The following HS3ST4 variants were observed in gnomAD, a reference collection of about 807,000 sequenced individuals.
The protein encoded by HS3ST4 is heparan sulfate glucosamine 3-O-sulfotransferase 4.
A neutral mutation model predicts 29.2 loss-of-function variants in HS3ST4; 17 were observed. That is an observed-to-expected ratio of 0.58 (90% CI 0.40 to 0.87). The LOEUF (loss-of-function observed/expected upper bound fraction) is 0.87, where lower values mean the gene tolerates loss of function less well. Ranked by LOEUF, HS3ST4 falls within the 40% of genes least tolerant of loss-of-function variation. The probability of loss-of-function intolerance (pLI) is 0.00; values close to 1 mark genes in which losing one functional copy is unlikely to be tolerated. For missense variants in HS3ST4, 627 were observed against 634.5 expected, an observed-to-expected ratio of 0.99 and a Z score of 0.13; for synonymous variants, 314 against 285.7, an observed-to-expected ratio of 1.10 and a Z score of -1.00.
chr16:25,760,838 T>A (rs1024732402), intron 1 of HS3ST4, among the ~76,000 whole-genome samples: 14 of 152,288 alleles, frequency 9.2e-5, no homozygotes, highest in Admixed American at 4.6e-4. Flanking sequence ...TGGGGAGATA[T>A]AATTCAGCCC....
intron 1 of HS3ST4, among the ~76,000 whole-genome samples, chr16:26,039,655 C>T (rs995401978): frequency 2.6e-5 from 4 of 151,798 alleles, no homozygotes; most frequent in Non-Finnish European, 4.4e-5. Context: ...CTAGAATCAC[C>T]CTGTCATTCT....
intron 1 of HS3ST4, among the ~76,000 whole-genome samples, chr16:26,110,518 AC>A (rs1398433108): frequency 2.0e-5 from 3 of 152,154 alleles, no homozygotes; most frequent in Non-Finnish European, 4.4e-5. Flanking sequence ...CCTTGGAGTT[AC>A]CCTGACATCC....
chr16:25,726,455 TAC>T (rs143234850), intron 1 of HS3ST4, among the ~76,000 whole-genome samples: 3 of 151,360 alleles, frequency 2.0e-5, no homozygotes, highest in Non-Finnish European at 4.4e-5. Context: ...CACACACACA[TAC>T]ACACACACAT....
intron 1 of HS3ST4, among the ~76,000 whole-genome samples, chr16:25,781,599 C>T (rs574481046): frequency 1.3e-5 from 2 of 152,268 alleles, no homozygotes; most frequent in African/African-American, 4.8e-5. Context: ...GTGATAGGAG[C>T]TGCCGTTACC....
chr16:26,123,982 G>A (rs2141812264), intron 1 of HS3ST4, among the ~76,000 whole-genome samples: 1 of 151,442 alleles, frequency 6.6e-6, no homozygotes, highest in South Asian at 2.1e-4. Context: ...GTGCAATGGT[G>A]CAATCTCAGC....
chr16:25,782,198 C>T (rs1420591565), intron 1 of HS3ST4, among the ~76,000 whole-genome samples: 4 of 152,172 alleles, frequency 2.6e-5, no homozygotes, highest in Non-Finnish European at 5.9e-5. Context: ...ACAAGAACAG[C>T]ATGGGAAACC....
At chr16:25,821,126 C>T (rs546033979) in intron 1 of HS3ST4, among the ~76,000 whole-genome samples, 38 of 147,838 alleles carry the variant, frequency 2.6e-4, no homozygotes, top group Admixed American at 1.6e-3. Flanking sequence ...GGTGCGATCT[C>T]GGCTCACTGC....
At chr16:26,113,470 A>ATGTGTG (rs55722050) in intron 1 of HS3ST4, among the ~76,000 whole-genome samples, 25,087 of 131,826 alleles carry the variant, frequency 0.19, 2,464 homozygotes, top group Non-Finnish European at 0.22. Flanking sequence ...ACAATATATG[A>ATGTGTG]TGTGTGTGTG....
chr16:25,992,757 T>A (rs1969125266), intron 1 of HS3ST4, among the ~76,000 whole-genome samples: 1 of 152,182 alleles, frequency 6.6e-6, no homozygotes, highest in Non-Finnish European at 1.5e-5. Context: ...CTCACTTGAA[T>A]AGGGATATAA....
intron 1 of HS3ST4, among the ~76,000 whole-genome samples, chr16:25,730,712 C>T (rs1440758210): frequency 3.4e-5 from 5 of 148,584 alleles, no homozygotes; most frequent in African/African-American, 1.2e-4. Flanking sequence ...TTCCTTCCGT[C>T]CTTCCTTCCT....
At chr16:25,906,452 C>T (rs116330133) in intron 1 of HS3ST4, among the ~76,000 whole-genome samples, 1,986 of 152,164 alleles carry the variant, frequency 0.013, 44 homozygotes, top group African/African-American at 0.046. Flanking sequence ...TTATTACATG[C>T]CTGGCACTAA....
chr16:25,749,146 G>C (rs1177749719), intron 1 of HS3ST4, among the ~76,000 whole-genome samples: 2 of 152,124 alleles, frequency 1.3e-5, no homozygotes, highest in East Asian at 3.8e-4. Flanking sequence ...TATACGCCAG[G>C]CATTCTTATA....
intron 1 of HS3ST4, among the ~76,000 whole-genome samples, chr16:26,039,794 A>G (rs376382437): frequency 8.5e-5 from 13 of 152,156 alleles, no homozygotes; most frequent in African/African-American, 2.7e-4. Flanking sequence ...CATGGGTTCA[A>G]TTCAACTCAT....
intron 1 of HS3ST4, among the ~76,000 whole-genome samples, chr16:25,733,623 C>T (rs1471216030): frequency 1.3e-5 from 2 of 152,150 alleles, no homozygotes; most frequent in Non-Finnish European, 2.9e-5. Flanking sequence ...TCTGTCCTGT[C>T]CCAAATTTGC....
chr16:25,700,474 T>C (rs1490248631), intron 1 of HS3ST4, among the ~76,000 whole-genome samples: 1 of 152,250 alleles, frequency 6.6e-6, no homozygotes, highest in African/African-American at 2.4e-5. Flanking sequence ...CTTTCACCGG[T>C]GTTCTCTAGA....
chr16:25,992,205 T>G (rs1163123853), intron 1 of HS3ST4, among the ~76,000 whole-genome samples: 2 of 152,180 alleles, frequency 1.3e-5, no homozygotes, highest in Non-Finnish European at 2.9e-5. Context: ...TTGATTATGA[T>G]TCGTATGATT....
intron 1 of HS3ST4, among the ~76,000 whole-genome samples, chr16:26,064,557 G>A (rs1898520151): frequency 1.3e-5 from 2 of 151,232 alleles, no homozygotes; most frequent in African/African-American, 4.9e-5. Context: ...GATTTATGGT[G>A]TAGGCCAGGA....
At chr16:25,903,020 C>CAAAA (rs768153842) in intron 1 of HS3ST4, among the ~76,000 whole-genome samples, 33 of 120,192 alleles carry the variant, frequency 2.7e-4, no homozygotes, top group Non-Finnish European at 4.5e-4. Context: ...GACTCTGCCT[C>CAAAA]AAAAAAAAAA....
chr16:25,849,210 C>T (rs1236670210), intron 1 of HS3ST4, among the ~76,000 whole-genome samples: 1 of 152,040 alleles, frequency 6.6e-6, no homozygotes, highest in Non-Finnish European at 1.5e-5. Context: ...CTAATAAAGA[C>T]TGAAATTGTT....
Sources: gnomAD v4.1 joint callset for allele counts (sites outside exome capture counted in the v4.1 genomes callset) on GRCh38, gnomAD v4.1.1 for gene constraint, MANE v1.5 for transcripts, NCBI Gene and HGNC (gene_info 2026-07-23, HGNC 2026-07-21) for gene names.